ASPHD2: variants seen among roughly 807,000 people sequenced by gnomAD.
The protein encoded by ASPHD2 is aspartate beta-hydroxylase domain-containing protein 2.
ASPHD2 carries 12 observed loss-of-function variants against 34.6 expected under a neutral mutation model. That is an observed-to-expected ratio of 0.35 (90% CI 0.22 to 0.56). The LOEUF (loss-of-function observed/expected upper bound fraction) is 0.56, where lower values mean the gene tolerates loss of function less well. Ranked by LOEUF, ASPHD2 falls within the 20% of genes least tolerant of loss-of-function variation. ASPHD2 has a pLI of 0.87. For synonymous variants in ASPHD2, 224 were observed against 212.2 expected (o/e 1.06, Z -0.48); for missense variants, 375 against 505.0 (o/e 0.74, Z 2.47).
chr22:26,431,130 G>GT (rs1328671683), intron 1 of ASPHD2, among the ~76,000 whole-genome samples: 1 of 152,178 alleles, frequency 6.6e-6, no homozygotes, highest in Non-Finnish European at 1.5e-5. Context: ...TCCAGTAGGG[G>GT]TTTAGCTCAG....
chr22:26,434,644 A>G, intron 2 of ASPHD2, 143 bp downstream of exon 2: 1 of 918,824 alleles, frequency 1.1e-6, no homozygotes, highest in Admixed American at 3.0e-5. Context: ...AATTGCATGT[A>G]AACAATTTGA....
At chr22:26,437,241 A>G (rs2084798115) in intron 2 of ASPHD2, among the ~76,000 whole-genome samples, 1 of 152,248 alleles carries the variant, frequency 6.6e-6, no homozygotes, top group Non-Finnish European at 1.5e-5. Flanking sequence ...GGCTGAAGGT[A>G]GAGGCACCTG....
chr22:26,440,126 A>G (rs1459894358), intron 2 of ASPHD2, among the ~76,000 whole-genome samples: 1 of 151,912 alleles, frequency 6.6e-6, no homozygotes, highest in African/African-American at 2.4e-5. Flanking sequence ...GGCTGACCCA[A>G]CCCCTTCTGA....
intron 3 of ASPHD2, 69 bp downstream of exon 3, chr22:26,442,641 G>A: frequency 1.5e-6 from 2 of 1,330,972 alleles, no homozygotes; most frequent in Non-Finnish European, 2.1e-6. Flanking sequence ...AGAAGTTTTA[G>A]GTTTCCAGAA....
intron 1 of ASPHD2, among the ~76,000 whole-genome samples, chr22:26,431,795 C>T (rs922182746): frequency 1.3e-5 from 2 of 152,190 alleles, no homozygotes; most frequent in South Asian, 2.1e-4. Context: ...TCCTAGCCGT[C>T]GCCTGCATAT....
intron 2 of ASPHD2, among the ~76,000 whole-genome samples, chr22:26,434,744 A>G (rs1364282863): frequency 6.6e-6 from 1 of 152,264 alleles, no homozygotes; most frequent in African/African-American, 2.4e-5. Flanking sequence ...CTGCAGTGAC[A>G]GAAATGTTCT....
At chr22:26,430,175 C>T (rs1453358231) in intron 1 of ASPHD2, among the ~76,000 whole-genome samples, 1 of 152,244 alleles carries the variant, frequency 6.6e-6, no homozygotes, top group Non-Finnish European at 1.5e-5. Context: ...CATCACACAC[C>T]TTGCCCAGTG....
rs781104070 is a variant in ASPHD2, at chr22:26,433,880, G to C, written c.265G>C (p.Val89Leu). ...GGAGCAGCCCCGGCCCTACGTCTCCGTCAACTCCCTCATGCAGGCTGCCGA... is the reference window on the plus strand; with the variant it reads ...GGAGCAGCCCCGGCCCTACGTCTCCCTCAACTCCCTCATGCAGGCTGCCGA... The part of the protein sequence containing the change: ...GREQPRPYVS[V>L]NSLMQAADAN... Residue 89 changes from valine to leucine, a missense_variant, in exon 2 of 4, where the codon GTC becomes CTC. By Grantham distance (32) the Val-to-Leu change is conservative. Transcript: ENST00000215906. The surrounding 1 kb of genome is among the most constrained non-coding windows in gnomAD (Gnocchi z 5.1). The C allele has an allele frequency of 1.9e-6, 3 of 1,613,626 alleles. No individual in the cohort carries two copies. Among genetic ancestry groups the C allele is most frequent in the Non-Finnish European group, 2.5e-6 (3 of 1,180,044 alleles).
intron 1 of ASPHD2, among the ~76,000 whole-genome samples, chr22:26,431,480 A>AT (rs375795607): frequency 6.6e-6 from 1 of 151,902 alleles, no homozygotes; most frequent in Non-Finnish European, 1.5e-5. Context: ...CCACTCTTGT[A>AT]TTTTTCCTAG....
chr22:26,433,559 G>A lies in ASPHD2; in HGVS notation c.-57G>A, dbSNP rs529644907. 45 of 1,277,438 alleles carry A rather than the reference G, an allele frequency of 3.5e-5. No homozygotes were observed. The highest frequency in any genetic ancestry group is 4.3e-5 in the Non-Finnish European group (39 of 908,024). The allele number at this position is 1,277,438 out of a possible 1,614,324, so 79.1% of individuals were successfully genotyped here. The stretch of plus-strand genomic sequence containing the variant: ...CCGCCCCTGGCAGTATCTGAGGATC[G>A]GTGGCAGCCATGCCTCCCCCTGCCC... On this transcript the variant is annotated 5_prime_UTR_variant, in exon 2 of 4. Coordinates refer to ENST00000215906, the MANE Select transcript of ASPHD2 (RefSeq NM_020437.5). This position sits in a 1 kb window ranked among gnomAD's most constrained non-coding sequence, Gnocchi z 5.1.
In ASPHD2 at chr22:26,443,156, G is replaced by C; in HGVS notation, c.1060G>C (p.Ala354Pro). 6.2e-7 allele frequency: 1 copy of C among 1,614,110 alleles called. No homozygotes were observed. The highest frequency in any genetic ancestry group is 8.5e-7 in the Non-Finnish European group (1 of 1,180,002). Residue 354 changes from alanine (A) to proline (P), a missense_variant, in exon 4 of 4, where the codon GCA becomes CCA. Physicochemically the swap from Ala to Pro is conservative, Grantham distance 27. Transcript: ENST00000215906. The part of the protein sequence containing the change: ...FMVDLWHPNV[A>P]AAERQALDFI... ...GGTGGATTTGTGGCATCCAAACGTC[G>C]CAGCGGCCGAACGGCAGGCTCTTGA...
At chr22:26,439,490 C>A (rs562919786) in intron 2 of ASPHD2, among the ~76,000 whole-genome samples, 8 of 152,216 alleles carry the variant, frequency 5.3e-5, no homozygotes, top group Non-Finnish European at 1.2e-4. Context: ...TTTATATCAT[C>A]ATGTCCAGTT....
At position 26,435,431 on chromosome 22, in the gene ASPHD2, G is replaced by C. The variant is rs16982105; in HGVS notation, c.886+930G>C. Reference sequence around the variant, plus strand: ...CATCACCGGTTAGTATCTCAGATTAGAGTGTGCAGAGACAGCCTTGGCAGC... The same window carrying C: ...CATCACCGGTTAGTATCTCAGATTACAGTGTGCAGAGACAGCCTTGGCAGC... On this transcript the variant is annotated intron_variant, in intron 2 of 3. Coordinates refer to ENST00000215906, the MANE Select transcript of ASPHD2 (RefSeq NM_020437.5). Among the ~76,000 whole-genome samples the C allele has an allele frequency of 9.1e-3, 1,390 of 152,328 alleles. 20 individuals are homozygous for C. Among genetic ancestry groups the C allele is most frequent in the African/African-American group, 0.031 (1,292 of 41,562 alleles).
chr22:26,441,683 T>TG (rs2084842029), intron 2 of ASPHD2, among the ~76,000 whole-genome samples: 2 of 151,944 alleles, frequency 1.3e-5, no homozygotes, highest in Admixed American at 1.3e-4. Context: ...CCCAGCACTT[T>TG]GGGAGGCTGA....
rs1406129287 is a variant in ASPHD2 at position 26,434,015 on chromosome 22, G to A, written c.400G>A (p.Ala134Thr). 1.2e-6 allele frequency: 2 copies of A among 1,613,274 alleles called. No individual in the cohort carries two copies. The highest frequency in any genetic ancestry group is 1.3e-5 in the African/African-American group (1 of 74,930). ...QKLYHNLQEY[A>T]KRYSWSGMGR... ...GCTGTACCACAACCTGCAGGAGTAC[G>A]CCAAGCGCTACTCCTGGTCCGGCAT... Residue 134 changes from alanine (A) to threonine (T), a missense_variant, in exon 2 of 4, where the codon GCC (alanine) becomes ACC (threonine). Around this residue, in one of 3 missense-constraint regions of ASPHD2, gnomAD observed 223 missense variants for 257.8 expected, o/e 0.87. Coordinates refer to ENST00000215906, the MANE Select transcript of ASPHD2 (RefSeq NM_020437.5).
In ASPHD2 at chr22:26,433,330, A is replaced by G; in HGVS notation, c.-224-62A>G. On this transcript the variant is annotated intron_variant, in intron 1 of 3. Transcript: ENST00000215906. This position sits in a 1 kb window ranked among gnomAD's most constrained non-coding sequence, Gnocchi z 5.1. ...ATCCTACAGAACGATCTAACACTTT[A>G]CATTTCAGTTGAGGACTTTTCCAGG... 2.1e-6 allele frequency: 1 copy of G among 481,616 alleles called. No individual in the cohort carries two copies. The highest frequency in any genetic ancestry group is 3.7e-6 in the Non-Finnish European group (1 of 269,478). 29.8% of individuals were successfully genotyped at this position (481,616 alleles called of 1,614,324 possible). A position where few individuals can be genotyped will look rare whatever the true frequency, so the allele number is the denominator to read the frequency against.
At position 26,433,495 on chromosome 22, in the gene ASPHD2, TG is replaced by T; in HGVS notation, c.-119del. ...CACTGCAGTGACTTTTGCCGGAAAG[TG>T]GAGCAGTGGGCACGGCCAACCTTGT... is the stretch of plus-strand genomic sequence containing the variant. On this transcript the variant is annotated 5_prime_UTR_variant, in exon 2 of 4. Transcript: ENST00000215906. This position sits in a 1 kb window ranked among gnomAD's most constrained non-coding sequence, Gnocchi z 5.1. 1.4e-6 allele frequency: 1 copy of T among 730,194 alleles called. No individual in the cohort carries two copies. The highest frequency in any genetic ancestry group is 2.8e-5 in the Admixed American group (1 of 35,358). The allele number at this position is 730,194 out of a possible 1,614,324, so 45.2% of individuals were successfully genotyped here.
intron 2 of ASPHD2, among the ~76,000 whole-genome samples, chr22:26,436,312 G>A (rs1032676785): frequency 1.3e-5 from 2 of 152,214 alleles, no homozygotes; most frequent in Admixed American, 6.5e-5. Flanking sequence ...TGCTTGGCAG[G>A]TAGAGGGCAG....
intron 2 of ASPHD2, among the ~76,000 whole-genome samples, chr22:26,441,468 A>G (rs2084837791): frequency 9.1e-6 from 1 of 110,014 alleles, no homozygotes; most frequent in South Asian, 3.5e-4. Flanking sequence ...ACAGAACAAG[A>G]CCTTGTATCT....
Sources: allele counts gnomAD v4.1 joint callset (sites outside exome capture counted in the v4.1 genomes callset), GRCh38; gene constraint gnomAD v4.1.1; regional missense constraint gnomAD v4.1.1; non-coding constraint Gnocchi (gnomAD v3.1); transcripts MANE v1.5; gene names NCBI Gene and HGNC (gene_info 2026-07-23, HGNC 2026-07-21).